CSMD1: variants seen among roughly 807,000 people sequenced by gnomAD.
CSMD1 encodes CUB and Sushi multiple domains 1.
Under a neutral mutation model 417.5 loss-of-function variants are expected in CSMD1, and 213 were observed. The observed-to-expected ratio is 0.51, with a 90% CI of 0.46 to 0.57. The LOEUF (loss-of-function observed/expected upper bound fraction) is 0.57, where lower values mean the gene tolerates loss of function less well. CSMD1 is among the 20% of genes least tolerant of loss of function. The pLI is 0.00. For synonymous variants in CSMD1, 2,862 were observed against 1,736.8 expected, an observed-to-expected ratio of 1.65 and a Z score of -16.11; for missense variants, 6,923 against 4,529.7, an observed-to-expected ratio of 1.53 and a Z score of -15.17.
intron 4 of CSMD1, among the ~76,000 whole-genome samples, chr8:4,019,489 G>A (rs773881205): frequency 6.6e-6 from 1 of 151,990 alleles, no homozygotes; most frequent in Non-Finnish European, 1.5e-5. Flanking sequence ...GTTTTACTGG[G>A]GCCCATTGCA....
chr8:3,133,457 C>T (rs1345635909), intron 41 of CSMD1, among the ~76,000 whole-genome samples: 1 of 152,142 alleles, frequency 6.6e-6, no homozygotes, highest in Non-Finnish European at 1.5e-5. Context: ...GTGCCTTGGC[C>T]TCAGGGGAAG....
chr8:3,112,750 A>G (rs1563056353), intron 42 of CSMD1, among the ~76,000 whole-genome samples: 1 of 152,192 alleles, frequency 6.6e-6, no homozygotes, highest in African/African-American at 2.4e-5. Context: ...GAAGTTTAAA[A>G]TTCAACGGGT....
At chr8:3,516,065 C>T (rs144714860) in intron 10 of CSMD1, among the ~76,000 whole-genome samples, 1 of 152,014 alleles carries the variant, frequency 6.6e-6, no homozygotes, top group South Asian at 2.1e-4. Context: ...TACTGTAGAA[C>T]TGGGAAACTG....
At chr8:3,832,915 G>A (rs555601771) in intron 5 of CSMD1, among the ~76,000 whole-genome samples, 1 of 152,110 alleles carries the variant, frequency 6.6e-6, no homozygotes, top group Admixed American at 6.6e-5. Flanking sequence ...ACAAATAGGA[G>A]TACGTTTCCT....
chr8:4,665,026 A>G (rs1019354772), intron 1 of CSMD1, among the ~76,000 whole-genome samples: 1 of 152,184 alleles, frequency 6.6e-6, no homozygotes, highest in African/African-American at 2.4e-5. Flanking sequence ...CAAATATTTT[A>G]ATTTTCAAAC....
In CSMD1 at chr8:3,462,149, G is replaced by A. The variant is rs1264292870; in HGVS notation, c.1561+6563C>T. ...CCCCCCCCCCACCTCCCAGCTGCTCGGGACCCACACTGCATTTCTTTTCAG... is the reference window on the plus strand; with the variant it reads ...CCCCCCCCCCACCTCCCAGCTGCTCAGGACCCACACTGCATTTCTTTTCAG... On this transcript the variant is annotated intron_variant, in intron 12 of 69. Transcript: ENST00000635120. 4.6e-5 allele frequency among the ~76,000 whole-genome samples: 7 copies of A among 151,910 alleles called. No homozygotes were observed. The East Asian group carries it at 7.8e-4, about 17-fold the overall frequency.
At chr8:4,047,897 T>G (rs117248088) in intron 3 of CSMD1, among the ~76,000 whole-genome samples, 131 of 152,300 alleles carry the variant, frequency 8.6e-4, no homozygotes, top group Non-Finnish European at 1.5e-3. Flanking sequence ...AGCCTTTAGT[T>G]TGATTTTATG....
At chr8:4,529,851 T>C (rs1377844471) in intron 2 of CSMD1, among the ~76,000 whole-genome samples, 1 of 151,362 alleles carries the variant, frequency 6.6e-6, no homozygotes, top group African/African-American at 2.4e-5. Flanking sequence ...ACCGTCAGGT[T>C]GCTGCCCATG....
chr8:3,508,125 C>CA (rs910262112), intron 10 of CSMD1, among the ~76,000 whole-genome samples: 2 of 152,012 alleles, frequency 1.3e-5, no homozygotes, highest in Non-Finnish European at 1.5e-5. Context: ...TCCTTCTAGA[C>CA]AAAAAACCAA....
intron 2 of CSMD1, among the ~76,000 whole-genome samples, chr8:4,468,966 G>T (rs189599235): frequency 6.6e-6 from 1 of 152,146 alleles, no homozygotes. Context: ...TCAAGAGCAT[G>T]ATGTGAGATG....
intron 3 of CSMD1, among the ~76,000 whole-genome samples, chr8:4,040,532 GGTGATGATAAA>G (rs1477742592): frequency 6.6e-6 from 1 of 152,166 alleles, no homozygotes; most frequent in Non-Finnish European, 1.5e-5. Flanking sequence ...CATCAGAAGA[GGTGATGATAAA>G]GTGTGATTAG....
chr8:4,772,335 C>CT lies in CSMD1; in HGVS notation c.86-134778dup, dbSNP rs1345943837. Among the ~76,000 whole-genome samples the CT allele has an allele frequency of 2.0e-5, 3 of 152,172 alleles. No homozygotes were observed. In the East Asian group the frequency reaches 5.8e-4, roughly 29 times the overall value. ...CATCTTTACGCATCTTCTATCCTTG[C>CT]TTTTTTTCTGACTCCATTCAAAGAA... On this transcript the variant is annotated intron_variant, in intron 1 of 69. Coordinates refer to ENST00000635120, the MANE Select transcript of CSMD1 (RefSeq NM_033225.6).
chr8:4,866,570 A>C (rs1299068653), intron 1 of CSMD1, among the ~76,000 whole-genome samples: 1 of 151,918 alleles, frequency 6.6e-6, no homozygotes. Flanking sequence ...AAACCCAGAG[A>C]AGCTCAGCTC....
chr8:4,399,898 G>A (rs979417558), intron 3 of CSMD1, among the ~76,000 whole-genome samples: 1 of 152,154 alleles, frequency 6.6e-6, no homozygotes. Context: ...ATCATTTTAA[G>A]CTCTCATGAG....
intron 5 of CSMD1, among the ~76,000 whole-genome samples, chr8:3,767,165 C>T (rs554680697): frequency 3.2e-4 from 49 of 152,346 alleles, no homozygotes; most frequent in African/African-American, 1.1e-3. Context: ...CTGTGCTGTG[C>T]TTCTTAGGTC....
intron 12 of CSMD1, among the ~76,000 whole-genome samples, chr8:3,424,430 G>C (rs1023110037): frequency 4.6e-5 from 7 of 152,180 alleles, no homozygotes; most frequent in African/African-American, 1.7e-4. Context: ...CCACAAGGTA[G>C]CACGTCTAGT....
chr8:4,131,081 T>G (rs553416668), intron 3 of CSMD1, among the ~76,000 whole-genome samples: 2 of 152,324 alleles, frequency 1.3e-5, no homozygotes, highest in East Asian at 3.9e-4. Context: ...CTCAGAGAAG[T>G]GTGATTTCTA....
At chr8:4,330,373 T>A (rs568668325) in intron 3 of CSMD1, among the ~76,000 whole-genome samples, 9 of 152,018 alleles carry the variant, frequency 5.9e-5, no homozygotes, top group Non-Finnish European at 1.0e-4. Context: ...GTCAGGCAGA[T>A]CACTTGAGGT....
chr8:3,502,813 C>T (rs1165334688), intron 10 of CSMD1, among the ~76,000 whole-genome samples: 4 of 152,002 alleles, frequency 2.6e-5, no homozygotes, highest in African/African-American at 7.2e-5. Context: ...CCCAAATCCA[C>T]AGAGTAAATA....
Sources: allele counts gnomAD v4.1 joint callset (sites outside exome capture counted in the v4.1 genomes callset), GRCh38; gene constraint gnomAD v4.1.1; transcripts MANE v1.5; gene names NCBI Gene and HGNC (gene_info 2026-07-23, HGNC 2026-07-21).